PIWIL2: variants seen among roughly 807,000 people sequenced by gnomAD.
PIWIL2 encodes the protein piwi like RNA-mediated gene silencing 2.
PIWIL2 carries 81 observed loss-of-function variants against 116.5 expected under a neutral mutation model. The observed-to-expected ratio is 0.70, with a 90% CI of 0.58 to 0.84. PIWIL2 has a LOEUF of 0.84. PIWIL2 is among the 40% of genes least tolerant of loss of function. The pLI, the probability that PIWIL2 is intolerant of heterozygous loss-of-function variation, is 0.00. For missense variants in PIWIL2, 1,272 were observed against 1,212.3 expected, an observed-to-expected ratio of 1.05 and a Z score of -0.73; for synonymous variants, 489 against 429.5, an observed-to-expected ratio of 1.14 and a Z score of -1.71.
intron 20 of PIWIL2, among the ~76,000 whole-genome samples, chr8:22,338,822 A>ATT (rs559994333): frequency 6.6e-6 from 1 of 151,462 alleles, no homozygotes. Context: ...CAAAAGTAAC[A>ATT]TTTTTTTTTG....
intron 20 of PIWIL2, among the ~76,000 whole-genome samples, chr8:22,328,885 G>A (rs1333400993): frequency 6.9e-6 from 1 of 145,548 alleles, no homozygotes; most frequent in African/African-American, 2.5e-5. Flanking sequence ...TTGCTTATGG[G>A]AATGGAGTCT....
At chr8:22,294,802 T>G (rs1465096578) in intron 10 of PIWIL2, among the ~76,000 whole-genome samples, 1 of 148,758 alleles carries the variant, frequency 6.7e-6, no homozygotes, top group Admixed American at 6.9e-5. Flanking sequence ...GGCTCATGCC[T>G]GTCATCCCAG....
chr8:22,351,482 T>TATATATATATAA (rs1401638608), intron 20 of PIWIL2, among the ~76,000 whole-genome samples: 12 of 115,684 alleles, frequency 1.0e-4, no homozygotes, highest in African/African-American at 2.8e-4. Flanking sequence ...TATATATATA[T>TATATATATATAA]AATTTATATC....
chr8:22,291,936 A>T (rs1441865325), intron 10 of PIWIL2, among the ~76,000 whole-genome samples: 1 of 152,176 alleles, frequency 6.6e-6, no homozygotes, highest in East Asian at 1.9e-4. Flanking sequence ...CGGTCAGGGC[A>T]ATCAGAAGTA....
At chr8:22,341,908 C>T (rs549887504) in intron 20 of PIWIL2, among the ~76,000 whole-genome samples, 13 of 150,698 alleles carry the variant, frequency 8.6e-5, no homozygotes, top group Non-Finnish European at 1.6e-4. Flanking sequence ...CAACAAAAAA[C>T]CCTGCTAGAA....
chr8:22,324,045 T>G (rs1226634169), intron 20 of PIWIL2, among the ~76,000 whole-genome samples: 2 of 152,112 alleles, frequency 1.3e-5, no homozygotes, highest in Non-Finnish European at 2.9e-5. Flanking sequence ...GTGGATGGCT[T>G]GAGGTTAGGA....
intron 20 of PIWIL2, among the ~76,000 whole-genome samples, chr8:22,338,466 G>A (rs1303847813): frequency 1.3e-5 from 2 of 151,974 alleles, no homozygotes; most frequent in African/African-American, 2.4e-5. Context: ...CGAGGTGGGC[G>A]GATCACCTGA....
At chr8:22,318,899 T>A (rs1831531043) in intron 20 of PIWIL2, among the ~76,000 whole-genome samples, 1 of 152,228 alleles carries the variant, frequency 6.6e-6, no homozygotes, top group South Asian at 2.1e-4. Context: ...TTTCAGCAAT[T>A]AAAGCAGCTT....
intron 20 of PIWIL2, among the ~76,000 whole-genome samples, chr8:22,337,184 A>G (rs1831999316): frequency 6.6e-6 from 1 of 152,204 alleles, no homozygotes; most frequent in Non-Finnish European, 1.5e-5. Context: ...AGCCATCTCA[A>G]GAAAACTGCA....
chr8:22,304,283 G>A, intron 11 of PIWIL2, 74 bp downstream of exon 11: 1 of 891,970 alleles, frequency 1.1e-6, no homozygotes, highest in Non-Finnish European at 1.8e-6. Flanking sequence ...CAGATATTGA[G>A]TTCTGCAATA....
intron 10 of PIWIL2, among the ~76,000 whole-genome samples, chr8:22,297,030 C>T (rs1422545498): frequency 2.0e-5 from 3 of 151,558 alleles, no homozygotes; most frequent in African/African-American, 7.3e-5. Context: ...ACTTGGTTAC[C>T]CCAGTTGGAG....
intron 10 of PIWIL2, among the ~76,000 whole-genome samples, chr8:22,296,261 G>A (rs553545174): frequency 1.6e-4 from 25 of 151,994 alleles, no homozygotes; most frequent in Admixed American, 1.4e-3. Flanking sequence ...TGATGAGGAC[G>A]GTCTCGATCT....
intron 20 of PIWIL2, among the ~76,000 whole-genome samples, chr8:22,327,435 T>G (rs1402339382): frequency 6.6e-6 from 1 of 150,904 alleles, no homozygotes; most frequent in Non-Finnish European, 1.5e-5. Context: ...TGGCGCGATC[T>G]TGACTCACCA....
At chr8:22,314,469 TCGCCTCCCCGAGG>T in intron 17 of PIWIL2, 40 bp downstream of exon 17, 1 of 1,051,916 alleles carries the variant, frequency 9.5e-7, no homozygotes, top group Non-Finnish European at 1.4e-6. Flanking sequence ...ATGGCACCTC[TCGCCTCCCCGAGG>T]CTTGAGAAGA....
At chr8:22,288,151 A>G (rs987941035) in intron 7 of PIWIL2, among the ~76,000 whole-genome samples, 1 of 152,286 alleles carries the variant, frequency 6.6e-6, no homozygotes, top group South Asian at 2.1e-4. Context: ...AAAAAAAATT[A>G]GCTGGGCATG....
intron 20 of PIWIL2, among the ~76,000 whole-genome samples, chr8:22,342,114 A>T (rs779963511): frequency 3.4e-4 from 52 of 151,920 alleles, no homozygotes; most frequent in Non-Finnish European, 1.3e-4. Flanking sequence ...CAAATTACAT[A>T]CAAGATGTAC....
intron 20 of PIWIL2, among the ~76,000 whole-genome samples, chr8:22,349,419 G>GTATGTATGTATATATATATATA (rs1213621776): frequency 1.5e-5 from 2 of 134,440 alleles, no homozygotes; most frequent in African/African-American, 5.5e-5. Flanking sequence ...ATGTGTGTGT[G>GTATGTATGTATATATATATATA]TATATATATA....
At chr8:22,277,526 AT>A (rs904588368) in intron 1 of PIWIL2, among the ~76,000 whole-genome samples, 2 of 151,498 alleles carry the variant, frequency 1.3e-5, no homozygotes, top group African/African-American at 2.4e-5. Context: ...AGTTTTTAAA[AT>A]TTTTTTTTCT....
intron 1 of PIWIL2, 23 bp downstream of exon 1, chr8:22,275,421 G>C (rs547217021): frequency 1.9e-4 from 29 of 152,544 alleles, no homozygotes; most frequent in African/African-American, 6.5e-4. Flanking sequence ...CCCGGTTGCG[G>C]CATGCCAGGC....
Sources: allele counts gnomAD v4.1 joint callset (sites outside exome capture counted in the v4.1 genomes callset), GRCh38; gene constraint gnomAD v4.1.1; transcripts MANE v1.5; gene names NCBI Gene and HGNC (gene_info 2026-07-23, HGNC 2026-07-21).